The following PKIB variants were observed in gnomAD, a reference collection of about 807,000 sequenced individuals.
PKIB encodes cAMP-dependent protein kinase inhibitor beta.
In PKIB, 2 loss-of-function variants were observed where a neutral mutation model predicts 4.5. The observed-to-expected ratio is 0.44, with a 90% CI of 0.18 to 1.39. The LOEUF (loss-of-function observed/expected upper bound fraction) is 1.39, where lower values mean the gene tolerates loss of function less well. Among genes scored for constraint, PKIB ranks in the 40% most tolerant of loss-of-function variants. The probability of loss-of-function intolerance (pLI) is 0.27; values close to 1 mark genes in which losing one functional copy is unlikely to be tolerated. For missense variants in PKIB, 94 were observed against 92.6 expected, an observed-to-expected ratio of 1.02 and a Z score of -0.06; for synonymous variants, 38 against 36.0, an observed-to-expected ratio of 1.06 and a Z score of -0.20.
intron 3 of PKIB, chr6:122,701,586 C>G: frequency 6.7e-7 from 1 of 1,482,118 alleles, no homozygotes; most frequent in Non-Finnish European, 9.2e-7. Flanking sequence ...TAGGCCATAG[C>G]TCAAGCCCAT....
At chr6:122,558,995 A>G (rs572643361) in intron 2 of PKIB, among the ~76,000 whole-genome samples, 22 of 152,154 alleles carry the variant, frequency 1.4e-4, no homozygotes, top group African/African-American at 2.9e-4. Flanking sequence ...GTGAGAACAT[A>G]TGATGTTTAT....
rs541034338 is a variant in PKIB, at chr6:122,490,749, T to G, written c.-248+12810T>G. On this transcript the variant is annotated intron_variant, in intron 2 of 6. Transcript: ENST00000392491. ...AACCATAAGCCAATTCAACCTCTTTTATTTATAAATTCCTCAGTCTCAGCT... is the reference window on the plus strand; with the variant it reads ...AACCATAAGCCAATTCAACCTCTTTGATTTATAAATTCCTCAGTCTCAGCT... Among the ~76,000 whole-genome samples the G allele has an allele frequency of 5.9e-5, 9 of 152,318 alleles. No homozygotes were observed. The South Asian group carries it at 1.9e-3, about 32-fold the overall frequency.
chr6:122,665,057 T>C (rs1471282535), intron 2 of PKIB, among the ~76,000 whole-genome samples: 1 of 152,182 alleles, frequency 6.6e-6, no homozygotes, highest in African/African-American at 2.4e-5. Context: ...ATATAAATGC[T>C]TCTCCAGTTC....
intron 2 of PKIB, among the ~76,000 whole-genome samples, chr6:122,522,023 G>C (rs970116685): frequency 6.6e-5 from 10 of 152,132 alleles, no homozygotes; most frequent in Admixed American, 1.3e-4. Context: ...TTGATGTTGT[G>C]AGTTGTCTCT....
rs984315187 is a variant in PKIB, at chr6:122,652,450, C to A, written c.-76+19083C>A. Among the ~76,000 whole-genome samples, 4 of 151,984 alleles carry A rather than the reference C, an allele frequency of 2.6e-5. No homozygotes were observed. In the South Asian group the frequency reaches 8.3e-4, roughly 32 times the overall value. On this transcript the variant is annotated intron_variant, in intron 2 of 4. Coordinates refer to ENST00000368452, the MANE Select transcript of PKIB (RefSeq NM_181795.3). ...GGGAATTCCTTGGAGGAAACTTAAGCTGCATGTTTTCTTCATCAGGGAAAG... is the reference window on the plus strand; with the variant it reads ...GGGAATTCCTTGGAGGAAACTTAAGATGCATGTTTTCTTCATCAGGGAAAG...
intron 3 of PKIB, chr6:122,586,243 A>T (rs761687553): frequency 3.3e-5 from 5 of 152,130 alleles, no homozygotes; most frequent in Non-Finnish European, 5.9e-5. Context: ...TGAACCAAGG[A>T]TGGCATTATC....
intron 4 of PKIB, among the ~76,000 whole-genome samples, chr6:122,721,751 A>T (rs1408420190): frequency 6.6e-6 from 1 of 152,004 alleles, no homozygotes; most frequent in Non-Finnish European, 1.5e-5. Context: ...TACCTAAAAG[A>T]TATATAATAA....
At chr6:122,555,507 C>G (rs1772810346) in intron 2 of PKIB, among the ~76,000 whole-genome samples, 1 of 151,814 alleles carries the variant, frequency 6.6e-6, no homozygotes, top group South Asian at 2.1e-4. Flanking sequence ...TGAGAAAACT[C>G]AACATTTAAA....
chr6:122,567,051 T>C (rs1439264310), intron 2 of PKIB, among the ~76,000 whole-genome samples: 3 of 152,170 alleles, frequency 2.0e-5, no homozygotes, highest in South Asian at 2.1e-4. Context: ...CAGAAATATA[T>C]AGAGGTAAAA....
chr6:122,658,607 T>G (rs1776864252), intron 2 of PKIB, among the ~76,000 whole-genome samples: 1 of 152,022 alleles, frequency 6.6e-6, no homozygotes, highest in Non-Finnish European at 1.5e-5. Flanking sequence ...AAGTGTAACA[T>G]AAACTTGGAG....
intron 3 of PKIB, among the ~76,000 whole-genome samples, chr6:122,699,958 C>T (rs924188169): frequency 6.6e-6 from 1 of 152,074 alleles, no homozygotes; most frequent in African/African-American, 2.4e-5. Flanking sequence ...TAGGAAGATC[C>T]TAGTCATAAC....
At chr6:122,651,760 G>T (rs2815600) in intron 2 of PKIB, among the ~76,000 whole-genome samples, 2 of 152,074 alleles carry the variant, frequency 1.3e-5, no homozygotes, top group South Asian at 4.2e-4. Context: ...GGCAGACACA[G>T]AAGTATTCAG....
At chr6:122,484,157 G>A (rs1444122621) in intron 2 of PKIB, 1 of 146,374 alleles carries the variant, frequency 6.8e-6, no homozygotes, top group Non-Finnish European at 1.5e-5. Flanking sequence ...CAACACTCTT[G>A]AAGTAAATAA....
chr6:122,650,178 T>C (rs1246845566), intron 2 of PKIB, among the ~76,000 whole-genome samples: 4 of 152,136 alleles, frequency 2.6e-5, no homozygotes, highest in African/African-American at 9.7e-5. Context: ...AGAAAGGATA[T>C]GTCTAACATG....
upstream of PKIB, chr6:122,610,170 C>T (rs1774687806): frequency 6.6e-6 from 1 of 152,196 alleles, no homozygotes; most frequent in Admixed American, 6.5e-5. Flanking sequence ...TGACGATCAC[C>T]GATAATTAGT....
intron 2 of PKIB, chr6:122,479,748 G>A (rs983575935): frequency 3.3e-5 from 5 of 152,138 alleles, no homozygotes; most frequent in African/African-American, 9.7e-5. Flanking sequence ...CAAAATTGCC[G>A]TGAATATTCT....
chr6:122,585,069 T>C (rs1773812103), intron 2 of PKIB, among the ~76,000 whole-genome samples: 1 of 152,156 alleles, frequency 6.6e-6, no homozygotes, highest in South Asian at 2.1e-4. Flanking sequence ...TGGGTATACA[T>C]ATGACTGCAG....
chr6:122,664,092 T>C (rs1359781079), intron 2 of PKIB, among the ~76,000 whole-genome samples: 1 of 152,212 alleles, frequency 6.6e-6, no homozygotes, highest in African/African-American at 2.4e-5. Context: ...CAGTATGATA[T>C]GACAACAGTA....
chr6:122,713,910 TATTA>T (rs1001861288), intron 3 of PKIB, among the ~76,000 whole-genome samples: 7 of 152,188 alleles, frequency 4.6e-5, no homozygotes, highest in African/African-American at 1.7e-4. Flanking sequence ...CCCCTATAAA[TATTA>T]ATTTTTAAAC....
Sources: gnomAD v4.1 joint callset for allele counts (sites outside exome capture counted in the v4.1 genomes callset) on GRCh38, gnomAD v4.1.1 for gene constraint, MANE v1.5 for transcripts, NCBI Gene and HGNC (gene_info 2026-07-23, HGNC 2026-07-21) for gene names.